Variants in CSMD1 observed in about 807,000 individuals in gnomAD.
The protein encoded by CSMD1 is CUB and sushi domain-containing protein 1.
In CSMD1, 213 loss-of-function variants were observed where a neutral mutation model predicts 417.5. The observed-to-expected ratio is 0.51, with a 90% CI of 0.46 to 0.57. The LOEUF (loss-of-function observed/expected upper bound fraction) is 0.57, where lower values mean the gene tolerates loss of function less well. Among genes scored for constraint, CSMD1 ranks in the 20% least tolerant of loss-of-function variants. CSMD1 has a pLI of 0.00. For missense variants in CSMD1, 6,923 were observed against 4,529.7 expected (o/e 1.53, Z -15.17); for synonymous variants, 2,862 against 1,736.8 (o/e 1.65, Z -16.11).
At chr8:4,063,810 G>C (rs1450539214) in intron 3 of CSMD1, among the ~76,000 whole-genome samples, 1 of 152,116 alleles carries the variant, frequency 6.6e-6, no homozygotes, top group Non-Finnish European at 1.5e-5. Flanking sequence ...ATCTATCTGA[G>C]AGCACTTTGA....
At chr8:4,113,543 T>G (rs999876606) in intron 3 of CSMD1, among the ~76,000 whole-genome samples, 3 of 152,020 alleles carry the variant, frequency 2.0e-5, no homozygotes, top group African/African-American at 7.2e-5. Flanking sequence ...TAGCTGGGAT[T>G]ACAGGCACGT....
At chr8:3,383,900 C>T (rs1241444144) in intron 18 of CSMD1, among the ~76,000 whole-genome samples, 3 of 152,064 alleles carry the variant, frequency 2.0e-5, no homozygotes, top group East Asian at 3.9e-4. Flanking sequence ...TGAGAAGCAG[C>T]GAAACACAGC....
At chr8:4,067,469 C>G (rs1432603285) in intron 3 of CSMD1, among the ~76,000 whole-genome samples, 1 of 139,022 alleles carries the variant, frequency 7.2e-6, no homozygotes, top group Non-Finnish European at 1.6e-5. Context: ...GTTCTTTTCA[C>G]ATGAAATAAA....
At chr8:3,212,031 G>C (rs548588175) in intron 30 of CSMD1, among the ~76,000 whole-genome samples, 6 of 152,204 alleles carry the variant, frequency 3.9e-5, no homozygotes, top group Admixed American at 2.0e-4. Flanking sequence ...TTCTTCGTTT[G>C]TCTCCGTCCT....
chr8:4,910,061 T>C (rs117587501), intron 1 of CSMD1, among the ~76,000 whole-genome samples: 2,317 of 152,366 alleles, frequency 0.015, 28 homozygotes, highest in South Asian at 0.026. Flanking sequence ...ACTCCCACTT[T>C]CTGTAACTCA....
In CSMD1 at chr8:4,831,856, C is replaced by T. The variant is rs188257518; in HGVS notation, c.85+162476G>A. The stretch of plus-strand genomic sequence containing the variant: ...CAAAGACAAAGCACAGTGTGTGCCA[C>T]ATCCAGAAGGTGCAAGGATGAGGAT... On this transcript the variant is annotated intron_variant, in intron 1 of 69. Coordinates refer to ENST00000635120, the MANE Select transcript of CSMD1 (RefSeq NM_033225.6). Among the ~76,000 whole-genome samples the T allele has an allele frequency of 3.3e-3, 502 of 152,094 alleles. 2 individuals carry two copies. Among genetic ancestry groups the T allele is most frequent in the African/African-American group, 0.011 (457 of 41,482 alleles).
rs537980599 is a variant in CSMD1, at chr8:4,500,108, G to C, written c.303-80043C>G. Among the ~76,000 whole-genome samples the C allele has an allele frequency of 2.0e-3, 308 of 152,036 alleles. 3 individuals carry two copies. The highest frequency in any genetic ancestry group is 6.9e-3 in the African/African-American group (284 of 41,446). ...TATACTAGGTGAAAAGGTATAAAGA[G>C]GCTGGGAGAATACAATGTCTCTGAA... On this transcript the variant is annotated intron_variant, in intron 2 of 69. Coordinates refer to ENST00000635120, the MANE Select transcript of CSMD1 (RefSeq NM_033225.6).
intron 3 of CSMD1, among the ~76,000 whole-genome samples, chr8:4,292,376 C>T (rs1243563323): frequency 6.6e-6 from 1 of 152,090 alleles, no homozygotes; most frequent in Non-Finnish European, 1.5e-5. Flanking sequence ...CCTCAGCCTC[C>T]AGAGTACCTG....
chr8:3,876,419 G>C (rs1374132398), intron 5 of CSMD1, among the ~76,000 whole-genome samples: 1 of 152,140 alleles, frequency 6.6e-6, no homozygotes, highest in Non-Finnish European at 1.5e-5. Context: ...TCTGCACTTA[G>C]AAGCCTGGAG....
At chr8:3,870,314 T>C (rs1339698958) in intron 5 of CSMD1, among the ~76,000 whole-genome samples, 1 of 152,216 alleles carries the variant, frequency 6.6e-6, no homozygotes, top group Non-Finnish European at 1.5e-5. Flanking sequence ...CCTCAGATTT[T>C]ATTTTTATTT....
rs1188542993 is a variant in CSMD1 at position 4,019,561 on chromosome 8, C to G, written c.610+12344G>C. Among the ~76,000 whole-genome samples, 4 of 152,120 alleles carry G rather than the reference C, an allele frequency of 2.6e-5. 1 individual carries two copies. The highest frequency in any genetic ancestry group is 5.9e-5 in the Non-Finnish European group (4 of 68,020). ...CCCATTCCCTCTGTGCCTGAGCTGTCGTATCTGTGTTTTACGGTCTGCTCT... is the reference window on the plus strand; with the variant it reads ...CCCATTCCCTCTGTGCCTGAGCTGTGGTATCTGTGTTTTACGGTCTGCTCT... On this transcript the variant is annotated intron_variant, in intron 4 of 69. Transcript: ENST00000635120.
At chr8:3,620,038 G>A (rs1459573636) in intron 7 of CSMD1, among the ~76,000 whole-genome samples, 1 of 152,148 alleles carries the variant, frequency 6.6e-6, no homozygotes, top group Non-Finnish European at 1.5e-5. Context: ...GGAGGCAGAT[G>A]TTGCAGTGAG....
At chr8:3,258,877 T>C (rs57149054) in intron 26 of CSMD1, among the ~76,000 whole-genome samples, 6,841 of 152,216 alleles carry the variant, frequency 0.045, 519 homozygotes, top group African/African-American at 0.15. Flanking sequence ...CATTTATAAC[T>C]GGGAGCTAAA....
rs1554488286 is a variant in CSMD1 at position 4,191,406 on chromosome 8, AAAAAC to A, written c.416-159312_416-159308del. On this transcript the variant is annotated intron_variant, in intron 3 of 69. Transcript: ENST00000635120. ...GCAAGACTCTGTCTCAGAAAAAACAAAAAACAAAACAAAACAAAACAAAAAACACA... is the reference window on the plus strand; with the variant it reads ...GCAAGACTCTGTCTCAGAAAAAACAAAAAACAAAACAAAACAAAAAACACA... Among the ~76,000 whole-genome samples the A allele has an allele frequency of 2.2e-4, 33 of 152,160 alleles. No homozygotes were observed. In the South Asian group the frequency reaches 2.7e-3, roughly 12 times the overall value.
intron 1 of CSMD1, among the ~76,000 whole-genome samples, chr8:4,871,480 A>G (rs1444595242): frequency 1.3e-5 from 2 of 152,086 alleles, no homozygotes; most frequent in African/African-American, 4.8e-5. Context: ...GAATATAATC[A>G]AGTTGACCCA....
intron 2 of CSMD1, among the ~76,000 whole-genome samples, chr8:4,449,818 C>A (rs1222822044): frequency 6.6e-6 from 1 of 152,052 alleles, no homozygotes; most frequent in African/African-American, 2.4e-5. Context: ...TGCAAGCTTC[C>A]CCTCCTACGT....
chr8:4,076,121 G>A (rs532301045), intron 3 of CSMD1, among the ~76,000 whole-genome samples: 1 of 152,100 alleles, frequency 6.6e-6, no homozygotes, highest in Non-Finnish European at 1.5e-5. Context: ...GTCATGGGAG[G>A]GACCCTGTAG....
At chr8:4,093,300 T>G (rs976107483) in intron 3 of CSMD1, among the ~76,000 whole-genome samples, 78 of 152,352 alleles carry the variant, frequency 5.1e-4, no homozygotes, top group African/African-American at 1.9e-3. Flanking sequence ...CTATACAATT[T>G]AAATAAACCA....
chr8:3,142,950 G>A (rs1413725184), intron 40 of CSMD1, among the ~76,000 whole-genome samples: 1 of 152,032 alleles, frequency 6.6e-6, no homozygotes, highest in Non-Finnish European at 1.5e-5. Context: ...GTACCACAGA[G>A]CTACACAGGT....
Sources: gnomAD v4.1 joint callset for allele counts (sites outside exome capture counted in the v4.1 genomes callset) on GRCh38, gnomAD v4.1.1 for gene constraint, MANE v1.5 for transcripts, NCBI Gene and HGNC (gene_info 2026-07-23, HGNC 2026-07-21) for gene names.